CAMK4: variants seen among roughly 807,000 people sequenced by gnomAD.
CAMK4 encodes calcium/calmodulin dependent protein kinase IV.
A neutral mutation model predicts 44.9 loss-of-function variants in CAMK4; 22 were observed. The observed-to-expected ratio is 0.49, with a 90% CI of 0.35 to 0.70. The LOEUF is 0.70. Among genes scored for constraint, CAMK4 ranks in the 30% least tolerant of loss-of-function variants. The pLI is 0.01. For missense variants in CAMK4, 498 were observed against 586.8 expected, an observed-to-expected ratio of 0.85 and a Z score of 1.56; for synonymous variants, 218 against 215.4, an observed-to-expected ratio of 1.01 and a Z score of -0.11.
At chr5:111,375,738 C>T (rs914329587) in intron 3 of CAMK4, among the ~76,000 whole-genome samples, 11 of 152,140 alleles carry the variant, frequency 7.2e-5, no homozygotes, top group African/African-American at 2.2e-4. Context: ...CTCAGCTCGC[C>T]GGTGCTGCTG....
chr5:111,452,916 C>A (rs1754285352), intron 7 of CAMK4, among the ~76,000 whole-genome samples: 1 of 152,130 alleles, frequency 6.6e-6, no homozygotes, highest in South Asian at 2.1e-4. Flanking sequence ...AAGGTAGACT[C>A]TACTTACCTT....
chr5:111,387,118 A>G (rs1751632606), intron 4 of CAMK4, among the ~76,000 whole-genome samples: 1 of 152,226 alleles, frequency 6.6e-6, no homozygotes, highest in South Asian at 2.1e-4. Flanking sequence ...TTAGTTTACT[A>G]AATCTCAAGA....
Position 111,414,688 on chromosome 5 carries a change from T to C in CAMK4, c.459+19906T>C, listed in dbSNP as rs556225511. ...AGCAGTGAAAAATATTGTGGTCAAA[T>C]AAAAAGTATTTTAAAACCAATATTT... On this transcript the variant is annotated intron_variant, in intron 5 of 10. Coordinates refer to ENST00000282356, the MANE Select transcript of CAMK4 (RefSeq NM_001744.6). Among the ~76,000 whole-genome samples, 60 of 152,158 alleles carry C rather than the reference T, an allele frequency of 3.9e-4. 1 individual carries two copies. In the South Asian group the frequency reaches 0.012, roughly 32 times the overall value.
chr5:111,323,431 G>A (rs1748744113), intron 1 of CAMK4, among the ~76,000 whole-genome samples: 1 of 151,966 alleles, frequency 6.6e-6, no homozygotes, highest in Non-Finnish European at 1.5e-5. Flanking sequence ...CGTTGGCTGT[G>A]TTGCCAGCAT....
chr5:111,440,798 G>T (rs1009995832), intron 5 of CAMK4, among the ~76,000 whole-genome samples: 6 of 152,140 alleles, frequency 3.9e-5, no homozygotes, highest in African/African-American at 1.4e-4. Flanking sequence ...AGTATTTTCT[G>T]ATCAAAGTAT....
intron 2 of CAMK4, among the ~76,000 whole-genome samples, chr5:111,355,181 G>A (rs1323767191): frequency 4.6e-5 from 7 of 152,192 alleles, no homozygotes; most frequent in South Asian, 2.1e-4. Context: ...ACAATGAGCC[G>A]TGTCAAGTGA....
chr5:111,471,923 A>G (rs1165949257), intron 7 of CAMK4, among the ~76,000 whole-genome samples: 2 of 151,868 alleles, frequency 1.3e-5, no homozygotes, highest in Admixed American at 6.6e-5. Context: ...TTTTTGAGAC[A>G]GAGTCTTGTT....
chr5:111,298,722 C>G (rs1490379433), intron 1 of CAMK4, among the ~76,000 whole-genome samples: 1 of 152,232 alleles, frequency 6.6e-6, no homozygotes, highest in Non-Finnish European at 1.5e-5. Context: ...CTCTGAATTA[C>G]ACCTGCATGG....
intron 5 of CAMK4, among the ~76,000 whole-genome samples, chr5:111,409,191 C>T (rs1172386395): frequency 1.3e-5 from 2 of 152,188 alleles, no homozygotes; most frequent in Non-Finnish European, 2.9e-5. Context: ...GCAGACGTTC[C>T]CTGCAGCATA....
chr5:111,252,047 C>A lies in CAMK4; in HGVS notation c.161+27403C>A, dbSNP rs189610779. On this transcript the variant is annotated intron_variant, in intron 1 of 10. Transcript: ENST00000282356. ...TACTTCTGGAGTCGTGTTAGCATAA[C>A]AGAAAGCATCTGGGCTAGGGCAGAG... is the stretch of plus-strand genomic sequence containing the variant. Among the ~76,000 whole-genome samples the A allele has an allele frequency of 3.7e-3, 568 of 152,302 alleles. 5 individuals carry two copies. The highest frequency in any genetic ancestry group is 5.9e-3 in the Non-Finnish European group (401 of 68,026).
chr5:111,474,063 C>A (rs1171203455), intron 8 of CAMK4, among the ~76,000 whole-genome samples: 1 of 152,024 alleles, frequency 6.6e-6, no homozygotes, highest in East Asian at 1.9e-4. Context: ...AATAGAAGAG[C>A]GTCTGAGATG....
intron 1 of CAMK4, among the ~76,000 whole-genome samples, chr5:111,329,828 G>C (rs192073241): frequency 6.6e-6 from 1 of 151,772 alleles, no homozygotes; most frequent in East Asian, 2.0e-4. Flanking sequence ...AAGTAAGAAA[G>C]AAAGGGAATT....
chr5:111,442,762 A>T (rs968201049), intron 5 of CAMK4, among the ~76,000 whole-genome samples: 8 of 148,384 alleles, frequency 5.4e-5, no homozygotes, highest in South Asian at 2.1e-4. Flanking sequence ...AACAAATTTT[A>T]AAATATAAAT....
intron 5 of CAMK4, among the ~76,000 whole-genome samples, chr5:111,403,370 T>G (rs1045277593): frequency 1.3e-5 from 2 of 152,196 alleles, no homozygotes; most frequent in African/African-American, 4.8e-5. Flanking sequence ...TTTTTGTTGT[T>G]TGTTTGAAAC....
At chr5:111,315,964 C>A (rs1233101244) in intron 1 of CAMK4, among the ~76,000 whole-genome samples, 1 of 152,002 alleles carries the variant, frequency 6.6e-6, no homozygotes, top group Non-Finnish European at 1.5e-5. Flanking sequence ...GTTTGGCTCT[C>A]TAGGCAATAA....
At chr5:111,373,825 G>A (rs1162959664) in intron 2 of CAMK4, among the ~76,000 whole-genome samples, 1 of 152,098 alleles carries the variant, frequency 6.6e-6, no homozygotes. Context: ...TAAGAGTGCA[G>A]GTATCATATC....
chr5:111,379,904 A>C (rs554775232), intron 4 of CAMK4, among the ~76,000 whole-genome samples: 1 of 152,264 alleles, frequency 6.6e-6, no homozygotes, highest in African/African-American at 2.4e-5. Context: ...TAAATAGTAA[A>C]TTACATAGGA....
intron 1 of CAMK4, among the ~76,000 whole-genome samples, chr5:111,243,467 C>G (rs1466499221): frequency 6.6e-6 from 1 of 152,172 alleles, no homozygotes; most frequent in East Asian, 1.9e-4. Flanking sequence ...ATGGGCGTAG[C>G]AGAAGGCTCA....
At chr5:111,408,370 T>C (rs1335919289) in intron 5 of CAMK4, among the ~76,000 whole-genome samples, 1 of 152,154 alleles carries the variant, frequency 6.6e-6, no homozygotes, top group Non-Finnish European at 1.5e-5. Context: ...AGCAAAGGCA[T>C]GTCTTACATG....
Sources: gnomAD v4.1 joint callset for allele counts (sites outside exome capture counted in the v4.1 genomes callset) on GRCh38, gnomAD v4.1.1 for gene constraint, MANE v1.5 for transcripts, NCBI Gene and HGNC (gene_info 2026-07-23, HGNC 2026-07-21) for gene names.